The following ZNF385D variants were observed in gnomAD, a reference collection of about 807,000 sequenced individuals.
ZNF385D encodes the protein zinc finger protein 385D.
In ZNF385D, 15 loss-of-function variants were observed where a neutral mutation model predicts 35.8. The ratio of observed to expected loss-of-function variants is 0.42; its 90% confidence interval spans 0.28 to 0.64. ZNF385D has a LOEUF of 0.64. ZNF385D is among the 30% of genes least tolerant of loss of function. ZNF385D has a pLI of 0.23. For synonymous variants in ZNF385D, 212 were observed against 186.8 expected (o/e 1.13, Z -1.10); for missense variants, 474 against 494.6 (o/e 0.96, Z 0.39).
At chr3:22,306,910 A>T (rs953711285) in intron 2 of ZNF385D, among the ~76,000 whole-genome samples, 1 of 152,208 alleles carries the variant, frequency 6.6e-6, no homozygotes, top group South Asian at 2.1e-4. Flanking sequence ...AGCGAAAAAC[A>T]TAAAACACAG....
At chr3:22,285,975 C>T (rs1338624700) in intron 2 of ZNF385D, among the ~76,000 whole-genome samples, 1 of 152,076 alleles carries the variant, frequency 6.6e-6, no homozygotes, top group Non-Finnish European at 1.5e-5. Context: ...TCAACCAGAT[C>T]ATGATACGTC....
At chr3:22,288,436 T>G (rs1040119284) in intron 2 of ZNF385D, among the ~76,000 whole-genome samples, 7 of 144,174 alleles carry the variant, frequency 4.9e-5, no homozygotes, top group Non-Finnish European at 8.9e-5. Flanking sequence ...CATCTTTCAT[T>G]TATTTCTTTT....
At position 21,425,536 on chromosome 3, in the gene ZNF385D, C is replaced by T. The variant is rs748061594; in HGVS notation, c.808G>A (p.Glu270Lys). Reference protein sequence around the residue: ...TGLQNKTFHCEICDVHVNSET... With the variant: ...TGLQNKTFHCKICDVHVNSET... ...GAGTTGACGTGCACATCACAGATTT[C>T]ACAGTGAAATGTTTTATTTTGGAGG... The change falls in exon 6 of 8, where the codon GAA becomes AAA. Residue 270 changes from glutamate to lysine, a missense_variant. Coordinates refer to ENST00000281523, the MANE Select transcript of ZNF385D (RefSeq NM_024697.3). 13 of 1,611,240 alleles carry T rather than the reference C, an allele frequency of 8.1e-6. No homozygotes were observed. The African/African-American group carries it at 1.5e-4, about 18-fold the overall frequency.
intron 2 of ZNF385D, among the ~76,000 whole-genome samples, chr3:21,575,156 T>C (rs541680781): frequency 6.6e-6 from 1 of 152,336 alleles, no homozygotes; most frequent in Non-Finnish European, 1.5e-5. Context: ...GTGTCATGAA[T>C]GAGTCAAAAT....
chr3:21,624,156 G>A lies in ZNF385D; in HGVS notation c.165+40730C>T, dbSNP rs529397852. Among the ~76,000 whole-genome samples the A allele has an allele frequency of 1.4e-4, 21 of 152,032 alleles. 1 individual carries two copies. Among genetic ancestry groups the A allele is most frequent in the Admixed American group, 8.5e-4 (13 of 15,252 alleles). On this transcript the variant is annotated intron_variant, in intron 2 of 7. Coordinates refer to ENST00000281523, the MANE Select transcript of ZNF385D (RefSeq NM_024697.3). The stretch of plus-strand genomic sequence containing the variant: ...ATCATTTAATTTATGGAAACCAACC[G>A]CACTATTTTAAGAAATGCCTCTATT...
At position 21,595,633 on chromosome 3, in the gene ZNF385D, T is replaced by A. The variant is rs2064108602; in HGVS notation, c.166-30949A>T. Among the ~76,000 whole-genome samples, 3 of 152,126 alleles carry A rather than the reference T, an allele frequency of 2.0e-5. No homozygotes were observed. In the South Asian group the frequency reaches 6.2e-4, roughly 31 times the overall value. ...GATTGATACTTAGTTTACTATTTTT[T>A]AATTTTTCTCTTCTATCCCAGGACT... On this transcript the variant is annotated intron_variant, in intron 2 of 7. Coordinates refer to ENST00000281523, the MANE Select transcript of ZNF385D (RefSeq NM_024697.3).
chr3:22,015,023 A>G (rs910001500), intron 3 of ZNF385D, among the ~76,000 whole-genome samples: 7 of 152,186 alleles, frequency 4.6e-5, no homozygotes, highest in Non-Finnish European at 7.4e-5. Context: ...GTTCACAACA[A>G]GCATATATCA....
intron 3 of ZNF385D, among the ~76,000 whole-genome samples, chr3:21,980,119 C>T (rs576753753): frequency 4.7e-4 from 71 of 152,262 alleles, no homozygotes; most frequent in Non-Finnish European, 8.5e-4. Context: ...GTTATTAAAG[C>T]AGCCTTATAG....
intron 2 of ZNF385D, among the ~76,000 whole-genome samples, chr3:22,257,801 A>G (rs1447133894): frequency 6.6e-6 from 1 of 152,000 alleles, no homozygotes; most frequent in Admixed American, 6.6e-5. Context: ...CTTATCAGGC[A>G]TGATTAAAAT....
chr3:22,284,533 G>T (rs150752910), intron 2 of ZNF385D, among the ~76,000 whole-genome samples: 1 of 151,254 alleles, frequency 6.6e-6, no homozygotes, highest in African/African-American at 2.4e-5. Flanking sequence ...TTTATACATC[G>T]TGCATCAATT....
chr3:22,044,404 C>T (rs1175055683), intron 3 of ZNF385D, among the ~76,000 whole-genome samples: 1 of 151,934 alleles, frequency 6.6e-6, no homozygotes, highest in East Asian at 1.9e-4. Context: ...ACCCTTTGGC[C>T]CACTGTGTTT....
intron 3 of ZNF385D, among the ~76,000 whole-genome samples, chr3:21,852,604 A>G (rs1696451450): frequency 1.3e-5 from 2 of 151,974 alleles, no homozygotes; most frequent in African/African-American, 4.8e-5. Flanking sequence ...GCATGAGATT[A>G]GGCAGTAATT....
intron 3 of ZNF385D, among the ~76,000 whole-genome samples, chr3:22,165,966 G>A (rs1706289622): frequency 6.6e-6 from 1 of 152,076 alleles, no homozygotes; most frequent in Non-Finnish European, 1.5e-5. Flanking sequence ...CCCAGATTAA[G>A]GCCAAATTCA....
chr3:21,808,732 G>A (rs1200605621), intron 3 of ZNF385D, among the ~76,000 whole-genome samples: 1 of 152,158 alleles, frequency 6.6e-6, no homozygotes, highest in Non-Finnish European at 1.5e-5. Context: ...ATGAAGAAAT[G>A]TTTTAAATCA....
intron 2 of ZNF385D, among the ~76,000 whole-genome samples, chr3:22,296,802 T>G (rs933853899): frequency 6.6e-6 from 1 of 152,140 alleles, no homozygotes; most frequent in Non-Finnish European, 1.5e-5. Flanking sequence ...AGCATGGTGG[T>G]TGGCTTCTCT....
At chr3:21,447,453 T>C (rs1559455694) in intron 4 of ZNF385D, among the ~76,000 whole-genome samples, 2 of 152,228 alleles carry the variant, frequency 1.3e-5, no homozygotes, top group Admixed American at 1.3e-4. Context: ...CAGTTTCTGT[T>C]TCATTAATGA....
At chr3:21,973,291 A>G (rs1014008434) in intron 3 of ZNF385D, among the ~76,000 whole-genome samples, 3 of 152,050 alleles carry the variant, frequency 2.0e-5, no homozygotes, top group South Asian at 2.1e-4. Flanking sequence ...GTGATATCTT[A>G]TATCAGTAGA....
At chr3:21,956,027 A>G (rs1222709629) in intron 3 of ZNF385D, among the ~76,000 whole-genome samples, 1 of 152,044 alleles carries the variant, frequency 6.6e-6, no homozygotes, top group Non-Finnish European at 1.5e-5. Context: ...CTCTCTAAAA[A>G]AGAAAAAAAA....
chr3:21,540,320 T>C (rs2125559111), intron 3 of ZNF385D, among the ~76,000 whole-genome samples: 1 of 152,276 alleles, frequency 6.6e-6, no homozygotes, highest in East Asian at 1.9e-4. Context: ...GACAACTCAA[T>C]GAGACCTAAA....
Sources: allele counts gnomAD v4.1 joint callset (sites outside exome capture counted in the v4.1 genomes callset), GRCh38; gene constraint gnomAD v4.1.1; transcripts MANE v1.5; gene names NCBI Gene and HGNC (gene_info 2026-07-23, HGNC 2026-07-21).